The following LRRFIP1 variants were observed in gnomAD, a reference collection of about 807,000 sequenced individuals.
LRRFIP1 encodes the protein leucine-rich repeat flightless-interacting protein 1.
Under a neutral mutation model 104.4 loss-of-function variants are expected in LRRFIP1, and 62 were observed. The ratio of observed to expected loss-of-function variants is 0.59; its 90% CI spans 0.48 to 0.73. The LOEUF is 0.73. LRRFIP1 is among the 30% of genes least tolerant of loss of function. The pLI is 0.00. For synonymous variants in LRRFIP1, 300 were observed against 299.0 expected (o/e 1.00, Z -0.03); for missense variants, 796 against 824.5 (o/e 0.97, Z 0.42).
At position 237,711,613 on chromosome 2, in the gene LRRFIP1, C is replaced by A. The variant is rs377685230; in HGVS notation, c.184-2646C>A. 6.6e-6 allele frequency among the ~76,000 whole-genome samples: 1 copy of A among 152,190 alleles called. No homozygotes were observed. Among genetic ancestry groups the A allele is most frequent in the East Asian group, 1.9e-4 (1 of 5,190 alleles). ...TGCGGCTGTGACACAGGGCGGGCGTCGTGGGCGCGGCTGTGGACTCCTGCC... is the reference window on the plus strand; with the variant it reads ...TGCGGCTGTGACACAGGGCGGGCGTAGTGGGCGCGGCTGTGGACTCCTGCC... On this transcript the variant is annotated intron_variant, in intron 2 of 23. Coordinates refer to ENST00000308482, the MANE Select transcript of LRRFIP1 (RefSeq NM_001137550.2). This position sits in a 1 kb window ranked among gnomAD's most constrained non-coding sequence, Gnocchi z 4.4.
chr2:237,648,339 C>T (rs994819256), intron 1 of LRRFIP1, among the ~76,000 whole-genome samples: 3 of 151,968 alleles, frequency 2.0e-5, no homozygotes, highest in Admixed American at 2.0e-4. Context: ...GCTGCTCTTT[C>T]CCTATTTTAG....
In LRRFIP1 at chr2:237,735,414, T is replaced by C; in HGVS notation, c.555+81T>C. On this transcript the variant is annotated intron_variant, in intron 10 of 23. Transcript: ENST00000308482. This position sits in a 1 kb window ranked among gnomAD's most constrained non-coding sequence, Gnocchi z 4.6. ...ATGCTCGCTGGGCAGGGTCCAGCCG[T>C]GGGGGGTGACTGGCCATTCTCAGGA... is the stretch of plus-strand genomic sequence containing the variant. The C allele has an allele frequency of 7.4e-7, 1 of 1,354,354 alleles. No individual in the cohort carries two copies. Among genetic ancestry groups the C allele is most frequent in the Non-Finnish European group, 1.0e-6 (1 of 995,304 alleles). The allele number at this position is 1,354,354 out of a possible 1,614,324, so 83.9% of individuals were successfully genotyped here.
chr2:237,688,398 T>A (rs1305190860), intron 1 of LRRFIP1, among the ~76,000 whole-genome samples: 1 of 151,782 alleles, frequency 6.6e-6, no homozygotes, highest in South Asian at 2.1e-4. Context: ...AGCTCTTTAG[T>A]TAAGACCCTG....
intron 11 of LRRFIP1, 94 bp from the exon 12 acceptor site, chr2:237,748,265 ATGTTT>A (rs951465118): frequency 6.1e-5 from 57 of 932,492 alleles, no homozygotes; most frequent in African/African-American, 2.0e-4. Flanking sequence ...AAGGAAGCAA[ATGTTT>A]TGTTTTGTTT....
chr2:237,699,955 C>G (rs2093423287), intron 1 of LRRFIP1, among the ~76,000 whole-genome samples: 1 of 152,214 alleles, frequency 6.6e-6, no homozygotes, highest in Non-Finnish European at 1.5e-5. Context: ...AGATTGCCCA[C>G]ATGAGCATTT....
intron 11 of LRRFIP1, among the ~76,000 whole-genome samples, chr2:237,742,755 C>T (rs950650133): frequency 3.9e-5 from 6 of 152,160 alleles, no homozygotes; most frequent in Non-Finnish European, 5.9e-5. Flanking sequence ...GATAGGACTC[C>T]CCGGTCCTTC....
In LRRFIP1 at chr2:237,646,216, AT is replaced by A. The variant is rs200841713; in HGVS notation, c.96+18481del. ...ATTTACTAGCTATTTTCCTCCTTTC[AT>A]TTTTAAAAAAAAATATATATGTATT... On this transcript the variant is annotated intron_variant, in intron 1 of 23. Coordinates refer to ENST00000308482, the MANE Select transcript of LRRFIP1 (RefSeq NM_001137550.2). 2.4e-3 allele frequency among the ~76,000 whole-genome samples: 372 copies of A among 151,868 alleles called. 8 individuals are homozygous for A. Among genetic ancestry groups the A allele is most frequent in the Middle Eastern group, 3.4e-3 (1 of 294 alleles).
chr2:237,631,034 G>A (rs377395002), intron 1 of LRRFIP1, among the ~76,000 whole-genome samples: 1 of 152,240 alleles, frequency 6.6e-6, no homozygotes, highest in African/African-American at 2.4e-5. Context: ...GTGGCAAAGG[G>A]GGGTGGGTCT....
In LRRFIP1 at chr2:237,779,019, C is replaced by T. The variant is rs150192669; in HGVS notation, c.1813-403C>T. Among the ~76,000 whole-genome samples, 446 of 152,214 alleles carry T rather than the reference C, an allele frequency of 2.9e-3. 4 individuals carry two copies. The highest frequency in any genetic ancestry group is 0.01 in the African/African-American group (423 of 41,550). ...CGGACAGATCACGAGGTCAGGAGAT[C>T]GAGACCATCCTGGCCAACATGGCAA... On this transcript the variant is annotated intron_variant, in intron 23 of 23. Transcript: ENST00000308482.
intron 1 of LRRFIP1, among the ~76,000 whole-genome samples, chr2:237,644,927 A>G (rs13024589): frequency 1.7e-3 from 259 of 152,334 alleles, no homozygotes; most frequent in Non-Finnish European, 2.8e-3. Context: ...CTCACATCCT[A>G]CAGGGACACA....
At chr2:237,748,187 G>A (rs2058125503) in intron 11 of LRRFIP1, among the ~76,000 whole-genome samples, 177 bp from the exon 12 acceptor site, 1 of 152,246 alleles carries the variant, frequency 6.6e-6, no homozygotes, top group South Asian at 2.1e-4. Context: ...GGGCCTCACA[G>A]ACATCCAAAT....
At chr2:237,778,916 C>CAA (rs35820087) in intron 23 of LRRFIP1, among the ~76,000 whole-genome samples, 36 of 137,640 alleles carry the variant, frequency 2.6e-4, no homozygotes, top group Middle Eastern at 8.1e-3. Context: ...GACTTTGTCT[C>CAA]AAAAAAAAAA....
At chr2:237,774,323 C>T in intron 22 of LRRFIP1, 35 bp from the exon 23 acceptor site, 1 of 1,282,736 alleles carries the variant, frequency 7.8e-7, no homozygotes, top group Non-Finnish European at 1.1e-6. Context: ...ACAGGCTTAT[C>T]AATTTATACA....
intron 1 of LRRFIP1, among the ~76,000 whole-genome samples, chr2:237,628,337 T>G (rs1191285425): frequency 6.6e-6 from 1 of 152,244 alleles, no homozygotes; most frequent in Non-Finnish European, 1.5e-5. Flanking sequence ...TCATTAAAGT[T>G]TCCTGGACAG....
In LRRFIP1 at chr2:237,753,391, T is replaced by C. The variant is rs2058869125; in HGVS notation, c.950T>C (p.Met317Thr). The change falls in exon 15 of 24, where the codon ATG (methionine) becomes ACG (threonine). Residue 317 changes from methionine to threonine, a missense_variant. Met to Thr is a moderately conservative substitution (Grantham distance 81). Coordinates refer to ENST00000308482, the MANE Select transcript of LRRFIP1 (RefSeq NM_001137550.2). ...CTAGACAATGAAAAGACAAACTTCATGTACCAGGTTGATACCCTAAAAGAT... is the reference window on the plus strand; with the variant it reads ...CTAGACAATGAAAAGACAAACTTCACGTACCAGGTTGATACCCTAAAAGAT... Reference protein sequence around the residue: ...AQLDNEKTNFMYQVDTLKDML... With the variant: ...AQLDNEKTNFTYQVDTLKDML... 1.2e-6 allele frequency: 2 copies of C among 1,606,086 alleles called. No individual in the cohort carries two copies. The highest frequency in any genetic ancestry group is 1.7e-6 in the Non-Finnish European group (2 of 1,178,234).
At chr2:237,714,526 G>A (rs2094245563) in intron 3 of LRRFIP1, among the ~76,000 whole-genome samples, 1 of 152,212 alleles carries the variant, frequency 6.6e-6, no homozygotes, top group African/African-American at 2.4e-5. Context: ...CTCAAGAAAT[G>A]TAAAAATTGT....
At chr2:237,775,160 G>A (rs1486250231) in intron 23 of LRRFIP1, among the ~76,000 whole-genome samples, 1 of 152,242 alleles carries the variant, frequency 6.6e-6, no homozygotes, top group Non-Finnish European at 1.5e-5. Flanking sequence ...GCAGGAGAGG[G>A]GCTGGGGTGC....
intron 2 of LRRFIP1, among the ~76,000 whole-genome samples, chr2:237,709,485 T>G (rs113469822): frequency 0.02 from 2,971 of 152,280 alleles, 109 homozygotes; most frequent in African/African-American, 0.067. Flanking sequence ...ATACACAGGT[T>G]GTTGTTTGGC....
chr2:237,694,418 G>A (rs2093025680), intron 1 of LRRFIP1, among the ~76,000 whole-genome samples: 1 of 151,724 alleles, frequency 6.6e-6, no homozygotes, highest in Non-Finnish European at 1.5e-5. Context: ...AGAGGCTAAT[G>A]TTCAGGTAGG....
Sources: allele counts gnomAD v4.1 joint callset (sites outside exome capture counted in the v4.1 genomes callset), GRCh38; gene constraint gnomAD v4.1.1; non-coding constraint Gnocchi (gnomAD v3.1); transcripts MANE v1.5; gene names NCBI Gene and HGNC (gene_info 2026-07-23, HGNC 2026-07-21).